The following CDH18 variants were observed in gnomAD, a reference collection of about 807,000 sequenced individuals.
The protein encoded by CDH18 is cadherin-18.
CDH18 carries 31 observed loss-of-function variants against 67.9 expected under a neutral mutation model. The ratio of observed to expected loss-of-function variants is 0.46; its 90% CI spans 0.34 to 0.62. The LOEUF is 0.62. CDH18 is among the 20% of genes least tolerant of loss of function. CDH18 has a pLI of 0.01. For synonymous variants in CDH18, 362 were observed against 347.2 expected, an observed-to-expected ratio of 1.04 and a Z score of -0.48; for missense variants, 890 against 975.5, an observed-to-expected ratio of 0.91 and a Z score of 1.17.
At position 20,226,647 on chromosome 5, in the gene CDH18, C is replaced by A. The variant is rs527451447; in HGVS notation, c.-518+28797G>T. 1.5e-4 allele frequency among the ~76,000 whole-genome samples: 23 copies of A among 152,046 alleles called. No individual in the cohort carries two copies. The South Asian group carries it at 4.6e-3, about 30-fold the overall frequency. On this transcript the variant is annotated intron_variant, in intron 2 of 14. Coordinates refer to the CDH18 transcript ENST00000507958. ...CATATCTTTTCTTATTGCTGATATGCCACAAAACTAACAAAAAATATCAAA... is the reference window on the plus strand; with the variant it reads ...CATATCTTTTCTTATTGCTGATATGACACAAAACTAACAAAAAATATCAAA...
At chr5:19,677,696 A>G (rs1391213198) in intron 5 of CDH18, among the ~76,000 whole-genome samples, 1 of 147,120 alleles carries the variant, frequency 6.8e-6, no homozygotes, top group Non-Finnish European at 1.5e-5. Context: ...ACCGTAAACT[A>G]AAAAAAAAAG....
At chr5:20,139,214 G>C (rs961974087) in intron 2 of CDH18, among the ~76,000 whole-genome samples, 1 of 152,132 alleles carries the variant, frequency 6.6e-6, no homozygotes, top group Non-Finnish European at 1.5e-5. Flanking sequence ...AAGAAATGGG[G>C]AAAGGATTCC....
At chr5:20,561,310 T>A (rs1758196249) in intron 1 of CDH18, among the ~76,000 whole-genome samples, 2 of 152,110 alleles carry the variant, frequency 1.3e-5, no homozygotes, top group African/African-American at 4.8e-5. Flanking sequence ...ACATGGATGT[T>A]TATAGCAATA....
At chr5:19,716,374 T>A (rs2150555163) in intron 5 of CDH18, among the ~76,000 whole-genome samples, 1 of 152,238 alleles carries the variant, frequency 6.6e-6, no homozygotes, top group Non-Finnish European at 1.5e-5. Flanking sequence ...AAAATATTTA[T>A]AATTTACGCT....
upstream of CDH18, among the ~76,000 whole-genome samples, chr5:19,988,893 G>A (rs1399503345): frequency 6.6e-6 from 1 of 152,062 alleles, no homozygotes; most frequent in Non-Finnish European, 1.5e-5. Flanking sequence ...GCTTCCCCTT[G>A]GAGGTCAGCA....
intron 2 of CDH18, among the ~76,000 whole-genome samples, chr5:20,150,406 T>C (rs1325759367): frequency 6.6e-6 from 1 of 151,992 alleles, no homozygotes; most frequent in Non-Finnish European, 1.5e-5. Context: ...TTGAAGCTTG[T>C]TGCTTAAAAA....
upstream of CDH18, chr5:19,992,160 A>G (rs1800021635): frequency 6.6e-6 from 1 of 152,158 alleles, no homozygotes; most frequent in Non-Finnish European, 1.5e-5. Context: ...ACTCATAATA[A>G]TAATTAGATC....
intron 8 of CDH18, among the ~76,000 whole-genome samples, chr5:19,549,305 C>A (rs1736916103): frequency 6.6e-6 from 1 of 152,092 alleles, no homozygotes; most frequent in Non-Finnish European, 1.5e-5. Flanking sequence ...CTCCTGTTCC[C>A]ACTCTCACCA....
chr5:20,247,098 C>T (rs1743439966), intron 2 of CDH18, among the ~76,000 whole-genome samples: 6 of 152,138 alleles, frequency 3.9e-5, no homozygotes, highest in Admixed American at 3.9e-4. Flanking sequence ...AATGCCTTCC[C>T]AACCATGCAG....
In CDH18 at chr5:19,471,509, A is replaced by G. The variant is rs1737650714; in HGVS notation, c.*1717T>C. On this transcript the variant is annotated 3_prime_UTR_variant, in exon 13 of 13. Transcript: ENST00000382275. ...TGGGGACACTGATAATGATAAATTT[A>G]AAGAGCAAAGGAAAAACTCCGGTGT... 6.6e-6 allele frequency among the ~76,000 whole-genome samples: 1 copy of G among 152,148 alleles called. No homozygotes were observed. The highest frequency in any genetic ancestry group is 2.4e-5 in the African/African-American group (1 of 41,446).
intron 1 of CDH18, among the ~76,000 whole-genome samples, chr5:20,357,490 C>A (rs1396031297): frequency 2.6e-5 from 4 of 151,938 alleles, no homozygotes; most frequent in Non-Finnish European, 5.9e-5. Flanking sequence ...TATGTTGAAA[C>A]AAGGAAATTA....
chr5:20,469,007 G>A (rs1432367087), intron 1 of CDH18, among the ~76,000 whole-genome samples: 3 of 152,108 alleles, frequency 2.0e-5, no homozygotes, highest in Non-Finnish European at 4.4e-5. Flanking sequence ...CTATGTCCTC[G>A]GCTGAAGTCA....
intron 5 of CDH18, among the ~76,000 whole-genome samples, chr5:19,639,729 GCC>G: frequency 6.6e-6 from 1 of 152,322 alleles, no homozygotes; most frequent in African/African-American, 2.4e-5. Flanking sequence ...ACAGACACAT[GCC>G]CCTTGCGTGC....
At chr5:20,524,497 A>G (rs954211333) in intron 1 of CDH18, among the ~76,000 whole-genome samples, 1 of 152,162 alleles carries the variant, frequency 6.6e-6, no homozygotes, top group African/African-American at 2.4e-5. Context: ...TTCTTTATTA[A>G]TATGTGTACA....
intron 1 of CDH18, among the ~76,000 whole-genome samples, chr5:20,537,248 A>T: frequency 6.6e-6 from 1 of 152,172 alleles, no homozygotes; most frequent in East Asian, 1.9e-4. Context: ...TGAGAAGCGA[A>T]ATAGTATATG....
intron 1 of CDH18, among the ~76,000 whole-genome samples, chr5:20,420,328 T>C (rs544598025): frequency 6.6e-6 from 1 of 151,228 alleles, no homozygotes. Context: ...CCACTAGAAA[T>C]GATAAGAGTT....
At chr5:20,380,608 C>G (rs1743832941) in intron 1 of CDH18, among the ~76,000 whole-genome samples, 1 of 152,114 alleles carries the variant, frequency 6.6e-6, no homozygotes, top group African/African-American at 2.4e-5. Flanking sequence ...AGGCACACAA[C>G]AGATAGGTAT....
chr5:20,498,373 C>T (rs759915593), intron 1 of CDH18, among the ~76,000 whole-genome samples: 3 of 152,088 alleles, frequency 2.0e-5, no homozygotes, highest in Admixed American at 6.6e-5. Context: ...CCAAAGACTA[C>T]TCCCTCTCAC....
chr5:19,983,899 C>A (rs934547138), intron 1 of CDH18, among the ~76,000 whole-genome samples: 4 of 152,118 alleles, frequency 2.6e-5, no homozygotes, highest in Admixed American at 6.5e-5. Flanking sequence ...TCTATGCAAC[C>A]ATATGCAATA....
Sources: gnomAD v4.1 joint callset for allele counts (sites outside exome capture counted in the v4.1 genomes callset) on GRCh38, gnomAD v4.1.1 for gene constraint, MANE v1.5 for transcripts, NCBI Gene and HGNC (gene_info 2026-07-23, HGNC 2026-07-21) for gene names.